Variants in SPIDR observed in about 807,000 individuals in gnomAD.
SPIDR encodes scaffold protein involved in DNA repair.
A neutral mutation model predicts 104.6 loss-of-function variants in SPIDR; 93 were observed. The observed-to-expected ratio is 0.89, with a 90% CI of 0.75 to 1.06. The LOEUF is 1.06. Ranked by LOEUF, SPIDR falls within the 50% of genes least tolerant of loss-of-function variation. The pLI is 0.00. For synonymous variants in SPIDR, 431 were observed against 416.9 expected (o/e 1.03, Z -0.41); for missense variants, 1,154 against 1,111.2 (o/e 1.04, Z -0.55).
rs549716409 is a variant in SPIDR at position 47,497,697 on chromosome 8, T to C, written c.1097+57155T>C. 6.8e-4 allele frequency among the ~76,000 whole-genome samples: 104 copies of C among 152,332 alleles called. 1 individual carries two copies. The highest frequency in any genetic ancestry group is 1.2e-3 in the Non-Finnish European group (80 of 68,018). On this transcript the variant is annotated intron_variant, in intron 8 of 19. Transcript: ENST00000297423. ...GCATAACCATAGCTTTTAATTTTGCTTGATTTTTTTTGGTAAGGCTTGATG... is the reference window on the plus strand; with the variant it reads ...GCATAACCATAGCTTTTAATTTTGCCTGATTTTTTTTGGTAAGGCTTGATG...
chr8:47,686,088 TTCTGGAAGGTGGATGAGTTGGG>T (rs2077777011), intron 11 of SPIDR, among the ~76,000 whole-genome samples: 1 of 152,182 alleles, frequency 6.6e-6, no homozygotes, highest in African/African-American at 2.4e-5. Context: ...AAGTTGTTTG[TTCTGGAAGGTGGATGAGTTGGG>T]CCACCATGGC....
At chr8:47,519,502 C>T (rs867163896) in intron 8 of SPIDR, among the ~76,000 whole-genome samples, 6 of 152,264 alleles carry the variant, frequency 3.9e-5, no homozygotes, top group Middle Eastern at 3.4e-3. Context: ...TTTGGTCAAG[C>T]GCAGTGGCTC....
At chr8:47,420,132 C>T (rs1475858486) in intron 7 of SPIDR, among the ~76,000 whole-genome samples, 34 of 152,016 alleles carry the variant, frequency 2.2e-4, no homozygotes, top group African/African-American at 8.2e-4. Context: ...CTATTAGGTC[C>T]ACTTGGTGCA....
chr8:47,308,759 G>A (rs1018628495), intron 5 of SPIDR, among the ~76,000 whole-genome samples: 1 of 152,184 alleles, frequency 6.6e-6, no homozygotes, highest in East Asian at 1.9e-4. Context: ...GGGCACACAT[G>A]CCCTATATTT....
intron 5 of SPIDR, among the ~76,000 whole-genome samples, chr8:47,361,294 T>G (rs1223255560): frequency 6.6e-6 from 1 of 152,214 alleles, no homozygotes; most frequent in Non-Finnish European, 1.5e-5. Flanking sequence ...AGAATTCAGT[T>G]GAGCCTTCCA....
chr8:47,716,480 G>A (rs1563647234), intron 16 of SPIDR, among the ~76,000 whole-genome samples: 1 of 152,172 alleles, frequency 6.6e-6, no homozygotes, highest in African/African-American at 2.4e-5. Context: ...CATTACTGCA[G>A]TTATGGGGTG....
rs535069366 is a variant in SPIDR, at chr8:47,712,810, T to A, written c.2126T>A (p.Leu709Gln). 2.2e-5 allele frequency: 36 copies of A among 1,614,140 alleles called. No homozygotes were observed. The highest frequency in any genetic ancestry group is 3.3e-4 in the Middle Eastern group (2 of 6,046). The change falls in exon 15 of 20, where the codon CTG becomes CAG. Residue 709 changes from leucine (L) to glutamine (Q), a missense_variant. Leu to Gln is a moderately radical substitution (Grantham distance 113). Transcript: ENST00000297423. Reference sequence around the variant, plus strand: ...TTGTGTGTGCTGGGCTCTGAAGTCCTGGAGGCACTCGCTGGGGCTGCCCCT... The same window carrying A: ...TTGTGTGTGCTGGGCTCTGAAGTCCAGGAGGCACTCGCTGGGGCTGCCCCT... ...APLCVLGSEV[L>Q]EALAGAAPHS...
intron 1 of SPIDR, among the ~76,000 whole-genome samples, chr8:47,263,323 C>G (rs937316452): frequency 1.3e-5 from 2 of 152,174 alleles, no homozygotes; most frequent in Non-Finnish European, 2.9e-5. Flanking sequence ...CTTGCTTGCC[C>G]CTTGGTGGTA....
At chr8:47,487,357 A>G (rs993786048) in intron 8 of SPIDR, among the ~76,000 whole-genome samples, 10 of 152,224 alleles carry the variant, frequency 6.6e-5, no homozygotes, top group African/African-American at 2.4e-4. Context: ...TCATAAAGCA[A>G]GTCCTTAGAG....
At chr8:47,486,853 C>A (rs2077714485) in intron 8 of SPIDR, among the ~76,000 whole-genome samples, 1 of 152,148 alleles carries the variant, frequency 6.6e-6, no homozygotes, top group Non-Finnish European at 1.5e-5. Flanking sequence ...GAAGGAAGCA[C>A]TAAACGCGGA....
chr8:47,530,480 A>AG (rs1001034453), intron 8 of SPIDR, among the ~76,000 whole-genome samples: 11 of 151,476 alleles, frequency 7.3e-5, no homozygotes, highest in African/African-American at 2.2e-4. Context: ...CCATGGTGTC[A>AG]GAAAAAAAAA....
chr8:47,620,923 A>C (rs936035305), intron 10 of SPIDR, among the ~76,000 whole-genome samples: 10 of 151,110 alleles, frequency 6.6e-5, no homozygotes, highest in Non-Finnish European at 1.0e-4. Context: ...TGGCCCATTT[A>C]AACCATTTTA....
At chr8:47,529,372 C>G (rs1384794010) in intron 8 of SPIDR, among the ~76,000 whole-genome samples, 1 of 152,014 alleles carries the variant, frequency 6.6e-6, no homozygotes, top group Non-Finnish European at 1.5e-5. Context: ...GAGCCGAGAT[C>G]ACATCACTGC....
chr8:47,459,819 T>C (rs1245605338), intron 8 of SPIDR, among the ~76,000 whole-genome samples: 1 of 152,198 alleles, frequency 6.6e-6, no homozygotes, highest in Non-Finnish European at 1.5e-5. Flanking sequence ...CTCCCAGGGC[T>C]TTTGATAGGT....
intron 8 of SPIDR, among the ~76,000 whole-genome samples, chr8:47,474,275 T>A (rs1184618722): frequency 2.0e-5 from 3 of 152,230 alleles, no homozygotes; most frequent in African/African-American, 7.2e-5. Context: ...GTCTTTTAAT[T>A]CTGTGTCGAA....
chr8:47,626,580 A>G (rs540583307), intron 10 of SPIDR, among the ~76,000 whole-genome samples: 1 of 152,376 alleles, frequency 6.6e-6, no homozygotes, highest in Non-Finnish European at 1.5e-5. Flanking sequence ...TGGGCGAAGG[A>G]TATGAACAGA....
intron 8 of SPIDR, among the ~76,000 whole-genome samples, chr8:47,590,681 T>C (rs897762384): frequency 2.0e-5 from 3 of 152,204 alleles, no homozygotes; most frequent in Non-Finnish European, 4.4e-5. Context: ...TTGATGGTGG[T>C]GTTGTGCTCT....
chr8:47,482,182 C>T lies in SPIDR; in HGVS notation c.1097+41640C>T, dbSNP rs74832296. Among the ~76,000 whole-genome samples the T allele has an allele frequency of 8.5e-4, 129 of 152,296 alleles. 1 individual carries two copies. Among genetic ancestry groups the T allele is most frequent in the Middle Eastern group, 3.4e-3 (1 of 294 alleles). ...AGTGTTTACCTCTATGCTTTGAAATCTTCTCTCAAACGCATATTCATTCCT... is the reference window on the plus strand; with the variant it reads ...AGTGTTTACCTCTATGCTTTGAAATTTTCTCTCAAACGCATATTCATTCCT... On this transcript the variant is annotated intron_variant, in intron 8 of 19. Coordinates refer to ENST00000297423, the MANE Select transcript of SPIDR (RefSeq NM_001080394.4).
chr8:47,511,377 C>A, intron 8 of SPIDR: 1 of 956,672 alleles, frequency 1.0e-6, no homozygotes, highest in South Asian at 1.3e-5. Context: ...GTGTCTGACC[C>A]TCGCCAGTGA....
Sources: gnomAD v4.1 joint callset for allele counts (sites outside exome capture counted in the v4.1 genomes callset) on GRCh38, gnomAD v4.1.1 for gene constraint, MANE v1.5 for transcripts, NCBI Gene and HGNC (gene_info 2026-07-23, HGNC 2026-07-21) for gene names.